The following LHFPL3 variants were observed in gnomAD, a reference collection of about 807,000 sequenced individuals.
LHFPL3 encodes the protein LHFPL tetraspan subfamily member 3 protein.
LHFPL3 carries 5 observed loss-of-function variants against 19.3 expected under a neutral mutation model. The ratio of observed to expected loss-of-function variants is 0.26; its 90% CI spans 0.14 to 0.54. LHFPL3 has a LOEUF of 0.54. Ranked by LOEUF, LHFPL3 falls within the 20% of genes least tolerant of loss-of-function variation. The pLI is 0.94. For synonymous variants in LHFPL3, 133 were observed against 126.2 expected (o/e 1.05, Z -0.36); for missense variants, 249 against 307.4 (o/e 0.81, Z 1.42).
intron 1 of LHFPL3, among the ~76,000 whole-genome samples, chr7:104,521,519 A>G (rs1043325936): frequency 6.6e-6 from 1 of 152,104 alleles, no homozygotes; most frequent in African/African-American, 2.4e-5. Flanking sequence ...AATGGCAACA[A>G]AAGACAAAAT....
At chr7:104,363,247 G>C (rs1790424476) in intron 1 of LHFPL3, among the ~76,000 whole-genome samples, 1 of 152,224 alleles carries the variant, frequency 6.6e-6, no homozygotes, top group Non-Finnish European at 1.5e-5. Flanking sequence ...TTAAAGGCAA[G>C]ATACAGTCAG....
At chr7:104,595,412 G>C (rs899207177) in intron 1 of LHFPL3, among the ~76,000 whole-genome samples, 1 of 152,168 alleles carries the variant, frequency 6.6e-6, no homozygotes, top group African/African-American at 2.4e-5. Context: ...AAATATTGCT[G>C]CCTGATCCTT....
intron 1 of LHFPL3, among the ~76,000 whole-genome samples, chr7:104,561,421 C>G (rs552087922): frequency 2.2e-4 from 33 of 150,222 alleles, no homozygotes; most frequent in Non-Finnish European, 3.1e-4. Flanking sequence ...GAATTGATCC[C>G]TTTACCATTA....
chr7:104,773,933 C>T (rs1794601500), intron 2 of LHFPL3, among the ~76,000 whole-genome samples: 1 of 152,226 alleles, frequency 6.6e-6, no homozygotes, highest in Non-Finnish European at 1.5e-5. Context: ...TTGTTTAAGC[C>T]ACCCGGGTTG....
chr7:104,421,966 C>T (rs748493387), intron 1 of LHFPL3, among the ~76,000 whole-genome samples: 1 of 152,108 alleles, frequency 6.6e-6, no homozygotes, highest in Non-Finnish European at 1.5e-5. Context: ...TATGGGAAAA[C>T]GTAATGTGAA....
intron 1 of LHFPL3, among the ~76,000 whole-genome samples, chr7:104,522,399 AG>A (rs1446569492): frequency 3.2e-5 from 1 of 31,454 alleles, no homozygotes; most frequent in Non-Finnish European, 5.7e-5. Flanking sequence ...GGGTGGGGGG[AG>A]GGGGGAGGGA....
chr7:104,496,218 T>C lies in LHFPL3; in HGVS notation c.445+166994T>C, dbSNP rs577404779. On this transcript the variant is annotated intron_variant, in intron 1 of 2. Transcript: ENST00000424859. The stretch of plus-strand genomic sequence containing the variant: ...CCCACCTATGAGTGAGAATATGCGG[T>C]GTTTGGTTTTTTGTCCTTGCGATAG... 8.5e-5 allele frequency among the ~76,000 whole-genome samples: 13 copies of C among 152,062 alleles called. No homozygotes were observed. In the South Asian group the frequency reaches 2.7e-3, roughly 32 times the overall value.
chr7:104,903,719 G>A (rs1792539935), intron 2 of LHFPL3, among the ~76,000 whole-genome samples: 1 of 152,064 alleles, frequency 6.6e-6, no homozygotes, highest in South Asian at 2.1e-4. Flanking sequence ...GCCCACCTTG[G>A]CCTCCCAAAG....
rs533515517 is a variant in LHFPL3 at position 104,857,815 on chromosome 7, C to T, written c.683-48372C>T. On this transcript the variant is annotated intron_variant, in intron 2 of 2. Coordinates refer to ENST00000424859, the MANE Select transcript of LHFPL3 (RefSeq NM_199000.3). ...AAATTTACTGAGCTCCCAAAACTGG[C>T]ACCCTCGGTGTAATTCCTAATAAAT... 1.3e-3 allele frequency among the ~76,000 whole-genome samples: 204 copies of T among 152,302 alleles called. 1 individual carries two copies. Among genetic ancestry groups the T allele is most frequent in the Admixed American group, 0.013 (198 of 15,298 alleles).
intron 1 of LHFPL3, among the ~76,000 whole-genome samples, chr7:104,502,667 C>G (rs1793623036): frequency 6.6e-6 from 1 of 152,164 alleles, no homozygotes; most frequent in South Asian, 2.1e-4. Flanking sequence ...GTGCAAGATC[C>G]TTGCCAGGAA....
intron 2 of LHFPL3, chr7:104,797,092 C>T (rs1790149393): frequency 6.6e-6 from 1 of 152,318 alleles, no homozygotes; most frequent in Admixed American, 6.5e-5. Context: ...GCATCAAAGT[C>T]CACTCCTGGT....
chr7:104,727,621 C>A (rs13231901), intron 1 of LHFPL3, among the ~76,000 whole-genome samples: 45,473 of 151,966 alleles, frequency 0.3, 7,523 homozygotes, highest in East Asian at 0.67. Flanking sequence ...GGCAATATTG[C>A]AAATCGGAAG....
chr7:104,776,608 C>T (rs187894149), intron 2 of LHFPL3, among the ~76,000 whole-genome samples: 21 of 152,284 alleles, frequency 1.4e-4, no homozygotes, highest in African/African-American at 4.3e-4. Flanking sequence ...ACATTCCCAG[C>T]GGATGTGAAT....
At chr7:104,496,936 T>C (rs1019373083) in intron 1 of LHFPL3, among the ~76,000 whole-genome samples, 2 of 152,180 alleles carry the variant, frequency 1.3e-5, no homozygotes. Flanking sequence ...AAAGTATTTT[T>C]AGATGTCATT....
At chr7:104,348,745 G>A (rs1380532374) in intron 1 of LHFPL3, among the ~76,000 whole-genome samples, 2 of 152,124 alleles carry the variant, frequency 1.3e-5, no homozygotes, top group Non-Finnish European at 2.9e-5. Flanking sequence ...GAGCAAGGTG[G>A]GAAGATCTAG....
intron 1 of LHFPL3, among the ~76,000 whole-genome samples, chr7:104,521,255 G>A (rs1048313339): frequency 4.4e-4 from 67 of 152,232 alleles, no homozygotes; most frequent in African/African-American, 1.5e-3. Context: ...TAGTTGAGTG[G>A]TTTTGAGTGA....
chr7:104,771,812 CTCTCT>C (rs1794556537), intron 2 of LHFPL3, among the ~76,000 whole-genome samples: 2 of 132,672 alleles, frequency 1.5e-5, no homozygotes, highest in Non-Finnish European at 3.1e-5. Context: ...TTTCTTTTGC[CTCTCT>C]TTTTTTTTTT....
chr7:104,840,305 TTTC>T (rs1262670242), intron 2 of LHFPL3, among the ~76,000 whole-genome samples: 2 of 39,980 alleles, frequency 5.0e-5, no homozygotes, highest in African/African-American at 7.5e-5. Context: ...TCTTGTGGGT[TTTC>T]TTTTTTTTTT....
chr7:104,554,010 A>C (rs1160390077), intron 1 of LHFPL3, among the ~76,000 whole-genome samples: 1 of 152,126 alleles, frequency 6.6e-6, no homozygotes, highest in Admixed American at 6.5e-5. Context: ...GTGATACCCC[A>C]GATTCTTCAT....
Sources: allele counts gnomAD v4.1 joint callset (sites outside exome capture counted in the v4.1 genomes callset), GRCh38; gene constraint gnomAD v4.1.1; transcripts MANE v1.5; gene names NCBI Gene and HGNC (gene_info 2026-07-23, HGNC 2026-07-21).